Variants in NEBL observed in about 807,000 individuals in gnomAD.
NEBL encodes the protein LIM and SH3 protein 2.
Under a neutral mutation model 140.2 loss-of-function variants are expected in NEBL, and 122 were observed. That is an observed-to-expected ratio of 0.87 (90% confidence interval 0.75 to 1.01). The LOEUF (loss-of-function observed/expected upper bound fraction) is 1.01. Ranked by LOEUF, NEBL falls within the 50% of genes least tolerant of loss-of-function variation. The pLI is 0.00. For synonymous variants in NEBL, 436 were observed against 398.9 expected (o/e 1.09, Z -1.11); for missense variants, 1,365 against 1,231.3 (o/e 1.11, Z -1.62).
intron 1 of NEBL, among the ~76,000 whole-genome samples, chr10:21,276,769 G>A (rs1047368851): frequency 6.6e-6 from 1 of 152,168 alleles, no homozygotes; most frequent in African/African-American, 2.4e-5. Context: ...AAGAGTTCGA[G>A]ACCAGCCCGG....
chr10:20,905,706 C>G (rs2131445228), intron 4 of NEBL, among the ~76,000 whole-genome samples: 1 of 152,254 alleles, frequency 6.6e-6, no homozygotes, highest in East Asian at 1.9e-4. Context: ...ATCCAAAGAG[C>G]ATTTGCAAAG....
At chr10:20,999,173 A>T (rs1450356003) in intron 3 of NEBL, among the ~76,000 whole-genome samples, 1 of 152,136 alleles carries the variant, frequency 6.6e-6, no homozygotes, top group East Asian at 1.9e-4. Context: ...AAAAAAAAAA[A>T]AAAAGGCTGT....
intron 4 of NEBL, among the ~76,000 whole-genome samples, chr10:20,950,984 T>C (rs1488099568): frequency 6.6e-6 from 1 of 152,158 alleles, no homozygotes; most frequent in African/African-American, 2.4e-5. Flanking sequence ...AAATATTCCT[T>C]TGTGGCCTGG....
intron 26 of NEBL, among the ~76,000 whole-genome samples, chr10:20,794,985 G>GA (rs1372261663): frequency 2.6e-5 from 4 of 152,290 alleles, no homozygotes; most frequent in African/African-American, 9.6e-5. Context: ...TATCAGAAAT[G>GA]AGGGGGAGCC....
chr10:21,193,059 C>CAG (rs1360279640), intron 3 of NEBL, among the ~76,000 whole-genome samples: 1 of 152,080 alleles, frequency 6.6e-6, no homozygotes, highest in Non-Finnish European at 1.5e-5. Flanking sequence ...CAGGAGGGAA[C>CAG]AGAGCACTGC....
intron 3 of NEBL, among the ~76,000 whole-genome samples, chr10:21,233,899 T>G (rs1248437910): frequency 7.3e-6 from 1 of 137,820 alleles, no homozygotes; most frequent in Admixed American, 7.3e-5. Flanking sequence ...ATATATTACA[T>G]ATATATGCAT....
chr10:21,281,042 A>G (rs144665569), intron 1 of NEBL, among the ~76,000 whole-genome samples: 2 of 152,350 alleles, frequency 1.3e-5, no homozygotes, highest in South Asian at 2.1e-4. Context: ...AGAGTATTCC[A>G]GGGATGAGCT....
At chr10:20,850,250 G>T (rs187408840) in intron 11 of NEBL, 145 bp downstream of exon 11, 164 of 675,322 alleles carry the variant, frequency 2.4e-4, no homozygotes, top group Non-Finnish European at 4.0e-4. Flanking sequence ...ATCCCAGGCA[G>T]TGGGTGGCTG....
At chr10:21,101,762 G>C (rs146224621) in intron 2 of NEBL, among the ~76,000 whole-genome samples, 37 of 152,260 alleles carry the variant, frequency 2.4e-4, no homozygotes, top group African/African-American at 7.7e-4. Flanking sequence ...ACAACTTTGT[G>C]CCCAGAGGAA....
chr10:20,784,454 T>C lies in NEBL; in HGVS notation c.*1293A>G, dbSNP rs1240782577. Reference sequence around the variant, plus strand: ...TGGGCCTGTACTAAAAAATCTCTGATGACATTCCTGTTTCATTCCCTTAAA... The same window carrying C: ...TGGGCCTGTACTAAAAAATCTCTGACGACATTCCTGTTTCATTCCCTTAAA... On this transcript the variant is annotated 3_prime_UTR_variant, in exon 28 of 28. Coordinates refer to ENST00000377122, the MANE Select transcript of NEBL (RefSeq NM_006393.3). The C allele has an allele frequency of 2.6e-5, 4 of 152,136 alleles. No individual in the cohort carries two copies. The highest frequency in any genetic ancestry group is 9.7e-5 in the African/African-American group (4 of 41,428). 9.4% of individuals were successfully genotyped at this position (152,136 alleles called of 1,614,324 possible).
chr10:20,781,202 T>C lies in NEBL; in HGVS notation c.*4545A>G, dbSNP rs1182982598. On this transcript the variant is annotated 3_prime_UTR_variant, in exon 28 of 28. Transcript: ENST00000377122. ...TAATAGCTGGTGTTAACAATTTGCA[T>C]AACAAAAGCCAAATTATATTAGTAA... 1 of 152,638 alleles carries C rather than the reference T, an allele frequency of 6.6e-6. No individual in the cohort carries two copies. Among genetic ancestry groups the C allele is most frequent in the East Asian group, 1.9e-4 (1 of 5,196 alleles). 9.5% of individuals were successfully genotyped at this position (152,638 alleles called of 1,614,324 possible). A position where few individuals can be genotyped will look rare whatever the true frequency, so the allele number is the denominator to read the frequency against.
intron 27 of NEBL, 91 bp from the exon 28 acceptor site, chr10:20,786,014 A>C: frequency 8.1e-7 from 1 of 1,235,034 alleles, no homozygotes; most frequent in Non-Finnish European, 1.2e-6. Flanking sequence ...ACATAAAGTA[A>C]CTATTAGGAA....
intron 2 of NEBL, among the ~76,000 whole-genome samples, chr10:21,116,852 C>T (rs1238054923): frequency 6.6e-6 from 1 of 151,828 alleles, no homozygotes; most frequent in Non-Finnish European, 1.5e-5. Context: ...AAATTGTTTT[C>T]CAGAGATGGG....
At chr10:21,058,629 T>C (rs1169478803) in intron 2 of NEBL, among the ~76,000 whole-genome samples, 1 of 152,178 alleles carries the variant, frequency 6.6e-6, no homozygotes, top group Non-Finnish European at 1.5e-5. Flanking sequence ...CAACATTAAA[T>C]ACAAAATTGT....
rs139739131 is a variant in NEBL at position 21,075,608 on chromosome 10, C to T, written c.165-55407G>A. On this transcript the variant is annotated intron_variant, in intron 2 of 6. Transcript: ENST00000417816. ...TGCCCAAAAGTGAGAGGTTGGCCAC[C>T]GGTCTGCAGCGTGGATGATCTGTCT... Among the ~76,000 whole-genome samples, 58 of 152,278 alleles carry T rather than the reference C, an allele frequency of 3.8e-4. No homozygotes were observed. In the East Asian group the frequency reaches 8.3e-3, roughly 22 times the overall value.
chr10:21,223,342 C>CCT, intron 3 of NEBL, among the ~76,000 whole-genome samples: 1 of 152,296 alleles, frequency 6.6e-6, no homozygotes, highest in East Asian at 1.9e-4. Flanking sequence ...AGCATAATGA[C>CCT]CTCCAGTTAC....
intron 3 of NEBL, among the ~76,000 whole-genome samples, chr10:21,207,701 C>T (rs1254606492): frequency 6.6e-6 from 1 of 152,120 alleles, no homozygotes; most frequent in African/African-American, 2.4e-5. Context: ...CCCTGGCTCC[C>T]TCCTTACAGA....
intron 2 of NEBL, chr10:21,029,048 T>C (rs1030918394): frequency 1.6e-4 from 150 of 953,144 alleles, no homozygotes; most frequent in Non-Finnish European, 2.1e-5. Context: ...ACTATCTCCC[T>C]AACAGACTTT....
chr10:21,199,593 T>C (rs978732880), intron 3 of NEBL, among the ~76,000 whole-genome samples: 1 of 152,126 alleles, frequency 6.6e-6, no homozygotes, highest in Non-Finnish European at 1.5e-5. Flanking sequence ...TTCAGAGAAG[T>C]GACTGCTTGG....
Sources: allele counts gnomAD v4.1 joint callset (sites outside exome capture counted in the v4.1 genomes callset), GRCh38; gene constraint gnomAD v4.1.1; transcripts MANE v1.5; gene names NCBI Gene and HGNC (gene_info 2026-07-23, HGNC 2026-07-21).